Variants in SRPRA observed in about 807,000 individuals in gnomAD.
The protein encoded by SRPRA is SRP receptor subunit alpha.
A neutral mutation model predicts 61.1 loss-of-function variants in SRPRA; 30 were observed. The ratio of observed to expected loss-of-function variants is 0.49; its 90% confidence interval spans 0.37 to 0.67. SRPRA has a LOEUF of 0.67. SRPRA is among the 30% of genes least tolerant of loss of function. The pLI, the probability that SRPRA is intolerant of heterozygous loss-of-function variation, is 0.00. For synonymous variants in SRPRA, 324 were observed against 299.7 expected (o/e 1.08, Z -0.84); for missense variants, 759 against 828.4 (o/e 0.92, Z 1.03).
the SRPRA span, among the ~76,000 whole-genome samples, chr11:126,236,883 T>G: frequency 6.6e-6 from 1 of 151,566 alleles, no homozygotes; most frequent in African/African-American, 2.4e-5. Context: ...GTTTGTTCAT[T>G]TTTTCATAGC....
downstream of SRPRA, among the ~76,000 whole-genome samples, chr11:126,259,765 G>C (rs1950648595): frequency 6.7e-6 from 1 of 150,176 alleles, no homozygotes; most frequent in South Asian, 2.1e-4. Context: ...CTGTCACCCA[G>C]GCTAGAGTGC....
the SRPRA span, among the ~76,000 whole-genome samples, chr11:126,241,582 T>A: frequency 6.6e-6 from 1 of 152,074 alleles, no homozygotes; most frequent in Non-Finnish European, 1.5e-5. Flanking sequence ...GGAATCTTCT[T>A]CTTGTCACCC....
the SRPRA span, among the ~76,000 whole-genome samples, chr11:126,244,697 G>C: frequency 6.6e-6 from 1 of 152,100 alleles, no homozygotes; most frequent in Non-Finnish European, 1.5e-5. This position sits in a 1 kb window ranked among gnomAD's most constrained non-coding sequence, Gnocchi z 4.5. Flanking sequence ...CCAGCTACTC[G>C]GGAGGTGGAG....
the SRPRA span, among the ~76,000 whole-genome samples, chr11:126,242,305 G>A: frequency 3.0e-3 from 460 of 152,174 alleles, 1 homozygote; most frequent in African/African-American, 0.011. Flanking sequence ...TGTCAAGAAA[G>A]TGAGCCGGGG....
the SRPRA span, among the ~76,000 whole-genome samples, chr11:126,251,314 T>C: frequency 6.6e-6 from 1 of 152,214 alleles, no homozygotes; most frequent in Non-Finnish European, 1.5e-5. Context: ...TTTTGTAATG[T>C]TTTTTCCTAC....
At position 126,264,402 on chromosome 11, in the gene SRPRA, C is replaced by T. The variant is rs1950764394; in HGVS notation, c.1663G>A (p.Val555Ile). The part of the protein sequence containing the change: ...DLVLFVGEAL[V>I]GNEAVDQLVK... ...AGCTGGTCCACGGCTTCATTGCCTA[C>T]TAAGGCTTCTCCTACAAACAGCACC... The change falls in exon 12 of 14, where the codon GTA becomes ATA. Residue 555 changes from valine to isoleucine, a missense_variant. Val to Ile is a conservative substitution (Grantham distance 29, BLOSUM62 3). Around this residue, in one of 2 missense-constraint regions of SRPRA, gnomAD observed 284 missense variants for 365.9 expected, o/e 0.78. Coordinates refer to ENST00000332118, the MANE Select transcript of SRPRA (RefSeq NM_003139.4). This position sits in a 1 kb window ranked among gnomAD's most constrained non-coding sequence, Gnocchi z 5.0. The T allele has an allele frequency of 6.2e-7, 1 of 1,614,202 alleles. No homozygotes were observed. The highest frequency in any genetic ancestry group is 1.3e-5 in the African/African-American group (1 of 75,050).
the SRPRA span, among the ~76,000 whole-genome samples, chr11:126,257,255 A>C: frequency 6.6e-6 from 1 of 152,242 alleles, no homozygotes; most frequent in Non-Finnish European, 1.5e-5. Flanking sequence ...AAATTAGAAG[A>C]TGTAACAAAA....
rs374120511 is a variant in SRPRA at position 126,264,918 on chromosome 11, A to C, written c.1525+41T>G. ...ATTCCAAGAGAACCCAAGGAGAAAA[A>C]GGGACCCCAAATAAGCCCCCACACT... is the stretch of plus-strand genomic sequence containing the variant. On this transcript the variant is annotated intron_variant, in intron 11 of 13. Transcript: ENST00000332118. The surrounding 1 kb of genome is among the most constrained non-coding windows in gnomAD (Gnocchi z 5.0). 1.2e-5 allele frequency: 18 copies of C among 1,562,398 alleles called. No homozygotes were observed. Among genetic ancestry groups the C allele is most frequent in the Non-Finnish European group, 1.6e-5 (18 of 1,149,220 alleles).
chr11:126,267,939 G>T lies in SRPRA; in HGVS notation c.201+64C>A. On this transcript the variant is annotated intron_variant, in intron 2 of 13. Transcript: ENST00000332118. This position sits in a 1 kb window ranked among gnomAD's most constrained non-coding sequence, Gnocchi z 4.2. ...CATATACACTGGCTGCAATTAATCA[G>T]AGTTCTCTTAAAAATCAGGGCTATG... is the stretch of plus-strand genomic sequence containing the variant. 6.5e-7 allele frequency: 1 copy of T among 1,542,948 alleles called. No homozygotes were observed. Among genetic ancestry groups the T allele is most frequent in the South Asian group, 1.1e-5 (1 of 89,320 alleles).
Position 126,264,857 on chromosome 11 carries a change from A to G in SRPRA, c.1525+102T>C. 8.8e-7 allele frequency: 1 copy of G among 1,134,888 alleles called. No individual in the cohort carries two copies. Among genetic ancestry groups the G allele is most frequent in the Non-Finnish European group, 1.2e-6 (1 of 814,460 alleles). 70.3% of individuals were successfully genotyped at this position (1,134,888 alleles called of 1,614,324 possible). A position where few individuals can be genotyped will look rare whatever the true frequency, so the allele number is the denominator to read the frequency against. ...TCTGACTTTTTACTGTAATTGACCA[A>G]CGAGTCTGTAGTAGCACAAGCCTGA... On this transcript the variant is annotated intron_variant, in intron 11 of 13. Coordinates refer to ENST00000332118, the MANE Select transcript of SRPRA (RefSeq NM_003139.4). This position sits in a 1 kb window ranked among gnomAD's most constrained non-coding sequence, Gnocchi z 5.0.
At chr11:126,250,829 G>T in the SRPRA span, 1 of 963,238 alleles carries the variant, frequency 1.0e-6, no homozygotes, top group Non-Finnish European at 1.5e-6. The surrounding 1 kb of genome is among the most constrained non-coding windows in gnomAD (Gnocchi z 5.1). Flanking sequence ...TTTATGTAGA[G>T]CTAGAAAGGA....
At chr11:126,255,684 A>G in the SRPRA span, among the ~76,000 whole-genome samples, 2 of 152,144 alleles carry the variant, frequency 1.3e-5, no homozygotes, top group African/African-American at 4.8e-5. This position sits in a 1 kb window ranked among gnomAD's most constrained non-coding sequence, Gnocchi z 4.6. Context: ...TAAATCTAAA[A>G]AAGTACGCCT....
chr11:126,262,178 C>G (rs1201087676), downstream of SRPRA: 1 of 1,599,100 alleles, frequency 6.3e-7, no homozygotes, highest in Non-Finnish European at 8.6e-7. Context: ...CTGTAAGGCC[C>G]TACTACAGAC....
In SRPRA at chr11:126,264,544, AG is replaced by A. The variant is rs1377299977; in HGVS notation, c.1526-6del. The A allele has an allele frequency of 6.2e-7, 1 of 1,612,288 alleles. No individual in the cohort carries two copies. The highest frequency in any genetic ancestry group is 1.1e-5 in the South Asian group (1 of 91,000). On this transcript the variant is annotated splice_polypyrimidine_tract_variant and splice_region_variant and intron_variant, in intron 11 of 13. Transcript: ENST00000332118. This position sits in a 1 kb window ranked among gnomAD's most constrained non-coding sequence, Gnocchi z 5.0. ...CGTCAAAGCCTTGGTTACGTGCTAG[AG>A]AAAGAAAGTAGTCAACTCTGAACAC...
At chr11:126,238,480 C>T in the SRPRA span, among the ~76,000 whole-genome samples, 1 of 152,154 alleles carries the variant, frequency 6.6e-6, no homozygotes, top group Non-Finnish European at 1.5e-5. Context: ...GTCCTCATTT[C>T]CTAACTGGAT....
chr11:126,251,288 G>C, the SRPRA span, among the ~76,000 whole-genome samples: 3 of 152,164 alleles, frequency 2.0e-5, no homozygotes, highest in African/African-American at 7.2e-5. Flanking sequence ...AAGTCTCATT[G>C]GTCCTACTCT....
intron 5 of SRPRA, 39 bp downstream of exon 5, chr11:126,266,724 A>G (rs1246122093): frequency 5.6e-6 from 9 of 1,611,346 alleles, no homozygotes; most frequent in Admixed American, 5.0e-5. Flanking sequence ...TTGTGTCTAG[A>G]TAACAGTATT....
chr11:126,246,517 G>C, the SRPRA span, among the ~76,000 whole-genome samples: 1 of 152,206 alleles, frequency 6.6e-6, no homozygotes, highest in East Asian at 1.9e-4. Context: ...GAATAGGTGA[G>C]ATAATGTGTA....
chr11:126,264,352 AG>A lies in SRPRA; in HGVS notation c.1689+23del. 6.2e-7 allele frequency: 1 copy of A among 1,613,866 alleles called. No homozygotes were observed. The highest frequency in any genetic ancestry group is 1.1e-5 in the South Asian group (1 of 91,076). ...AAATTGACCAAAGCTCAAGTTGTAA[AG>A]GGAACTGGGCCCACGCTCTCACCAG... On this transcript the variant is annotated intron_variant, in intron 12 of 13. Coordinates refer to ENST00000332118, the MANE Select transcript of SRPRA (RefSeq NM_003139.4). This position sits in a 1 kb window ranked among gnomAD's most constrained non-coding sequence, Gnocchi z 5.0.
Sources: gnomAD v4.1 joint callset for allele counts (sites outside exome capture counted in the v4.1 genomes callset) on GRCh38, gnomAD v4.1.1 for gene constraint, gnomAD v4.1.1 regional missense constraint, Gnocchi (gnomAD v3.1) non-coding constraint, MANE v1.5 for transcripts, NCBI Gene and HGNC (gene_info 2026-07-23, HGNC 2026-07-21) for gene names.